Variants in WIPI2 observed in about 807,000 individuals in gnomAD.
WIPI2 encodes the protein WD repeat domain phosphoinositide-interacting protein 2.
A neutral mutation model predicts 52.3 loss-of-function variants in WIPI2; 28 were observed. The ratio of observed to expected loss-of-function variants is 0.54; its 90% CI spans 0.40 to 0.73. The LOEUF (loss-of-function observed/expected upper bound fraction) is 0.73, where lower values mean the gene tolerates loss of function less well. Among genes scored for constraint, WIPI2 ranks in the 30% least tolerant of loss-of-function variants. The pLI, the probability that WIPI2 is intolerant of heterozygous loss-of-function variation, is 0.00. For missense variants in WIPI2, 506 were observed against 602.9 expected (o/e 0.84, Z 1.68); for synonymous variants, 268 against 245.0 (o/e 1.09, Z -0.88).
Position 5,232,175 on chromosome 7 carries a change from G to A in WIPI2, c.*1228G>A. The A allele has an allele frequency of 2.5e-6, 1 of 398,848 alleles. No homozygotes were observed. The highest frequency in any genetic ancestry group is 3.6e-5 in the East Asian group (1 of 28,082). The allele number at this position is 398,848 out of a possible 1,614,324, so 24.7% of individuals were successfully genotyped here. A position where few individuals can be genotyped will look rare whatever the true frequency, so the allele number is the denominator to read the frequency against. On this transcript the variant is annotated 3_prime_UTR_variant, in exon 13 of 13. Coordinates refer to ENST00000288828, the MANE Select transcript of WIPI2 (RefSeq NM_015610.4). ...AGATGGTTTTAGAATCTATGGAGTG[G>A]TGGAAGTTACGGATAGAAGGGAAAA...
At chr7:5,229,888 G>A in intron 12 of WIPI2, 150 bp downstream of exon 12, 1 of 1,065,872 alleles carries the variant, frequency 9.4e-7, no homozygotes, top group Admixed American at 3.0e-5. Context: ...GTAAATGGGT[G>A]TTCCCAAGGC....
chr7:5,214,206 T>C, intron 3 of WIPI2: 1 of 1,227,332 alleles, frequency 8.1e-7, no homozygotes, highest in Non-Finnish European at 1.0e-6. Flanking sequence ...AGGGAGCCCC[T>C]AGACCTTACT....
Position 5,197,510 on chromosome 7 carries a change from A to G in WIPI2, c.129-2066A>G, listed in dbSNP as rs150538812. Reference sequence around the variant, plus strand: ...CATTGATACAACAATTGATGTAACTAATTCAGTATAGTAAAGAAGCAAAAA... The same window carrying G: ...CATTGATACAACAATTGATGTAACTGATTCAGTATAGTAAAGAAGCAAAAA... On this transcript the variant is annotated intron_variant, in intron 2 of 12. Transcript: ENST00000288828. Among the ~76,000 whole-genome samples the G allele has an allele frequency of 3.7e-3, 569 of 152,340 alleles. 3 individuals are homozygous for G. The highest frequency in any genetic ancestry group is 6.7e-3 in the Non-Finnish European group (454 of 68,032).
At chr7:5,193,846 G>A (rs1274888372) in intron 2 of WIPI2, among the ~76,000 whole-genome samples, 1 of 152,186 alleles carries the variant, frequency 6.6e-6, no homozygotes, top group African/African-American at 2.4e-5. Context: ...CAGAGCATTG[G>A]GATTACAGGT....
At chr7:5,204,442 G>A (rs995491838) in intron 3 of WIPI2, among the ~76,000 whole-genome samples, 1 of 152,138 alleles carries the variant, frequency 6.6e-6, no homozygotes, top group East Asian at 1.9e-4. Context: ...GCTCCAGCTT[G>A]GGCTGTCTCA....
At chr7:5,208,650 C>G (rs939619848) in intron 3 of WIPI2, among the ~76,000 whole-genome samples, 1 of 151,944 alleles carries the variant, frequency 6.6e-6, no homozygotes, top group African/African-American at 2.4e-5. Context: ...CTAATGGATT[C>G]CTATTCCATC....
At chr7:5,217,403 C>T (rs1782870034) in intron 6 of WIPI2, 1 of 550,474 alleles carries the variant, frequency 1.8e-6, no homozygotes, top group African/African-American at 1.9e-5. Flanking sequence ...CTCCTGGGCT[C>T]AATTGATCCT....
At chr7:5,201,364 A>G (rs988875822) in intron 3 of WIPI2, among the ~76,000 whole-genome samples, 3 of 152,244 alleles carry the variant, frequency 2.0e-5, no homozygotes, top group Non-Finnish European at 2.9e-5. Flanking sequence ...CTTTTCCTCA[A>G]ATTGAAGTTT....
chr7:5,194,401 C>T lies in WIPI2; in HGVS notation c.128+1230C>T, dbSNP rs1302283044. The stretch of plus-strand genomic sequence containing the variant: ...AAGAAGGAGAGTCTTTACGGACTGA[C>T]GATTAGGGAAGGGGGAGAAAAGGAA... On this transcript the variant is annotated intron_variant, in intron 2 of 12. Coordinates refer to ENST00000288828, the MANE Select transcript of WIPI2 (RefSeq NM_015610.4). Among the ~76,000 whole-genome samples the T allele has an allele frequency of 2.6e-5, 4 of 151,990 alleles. No individual in the cohort carries two copies. In the South Asian group the frequency reaches 6.2e-4, roughly 24 times the overall value.
Position 5,230,779 on chromosome 7 carries a change from T to TG in WIPI2, c.1253-52dup. 1 of 1,368,328 alleles carries TG rather than the reference T, an allele frequency of 7.3e-7. No homozygotes were observed. Among genetic ancestry groups the TG allele is most frequent in the Non-Finnish European group, 1.0e-6 (1 of 979,506 alleles). 84.8% of individuals were successfully genotyped at this position (1,368,328 alleles called of 1,614,324 possible). ...AAAACACAGTCCTCAGTGTGTGTCA[T>TG]GGGGTCTGTGGTGTGTCCCCAGCCT... On this transcript the variant is annotated intron_variant, in intron 12 of 12. Transcript: ENST00000288828. The surrounding 1 kb of genome is among the most constrained non-coding windows in gnomAD (Gnocchi z 4.8).
rs1429487457 is a variant in WIPI2, at chr7:5,232,388, A to C, written c.*1441A>C. 2.5e-6 allele frequency: 1 copy of C among 398,370 alleles called. No individual in the cohort carries two copies. Among genetic ancestry groups the C allele is most frequent in the Non-Finnish European group, 4.4e-6 (1 of 226,076 alleles). The allele number at this position is 398,370 out of a possible 1,614,324, so 24.7% of individuals were successfully genotyped here. ...GTTGGCTTTACGGCAAACTAAATGC[A>C]GGGGACGCTGGAGTCCGACTCACCT... On this transcript the variant is annotated 3_prime_UTR_variant, in exon 13 of 13. Transcript: ENST00000288828.
chr7:5,232,600 G>C lies in WIPI2; in HGVS notation c.*1653G>C. ...GCCGAGGCCAGAGTGGGCTATGCTTGAGCAGGGATGAGAAGGGCCGCGGCA... is the reference window on the plus strand; with the variant it reads ...GCCGAGGCCAGAGTGGGCTATGCTTCAGCAGGGATGAGAAGGGCCGCGGCA... On this transcript the variant is annotated 3_prime_UTR_variant, in exon 13 of 13. Transcript: ENST00000288828. 3.1e-6 allele frequency: 1 copy of C among 327,544 alleles called. No homozygotes were observed. The allele number at this position is 327,544 out of a possible 1,614,324, so 20.3% of individuals were successfully genotyped here.
chr7:5,217,744 A>C, intron 6 of WIPI2, 178 bp from the exon 7 acceptor site: 1 of 667,262 alleles, frequency 1.5e-6, no homozygotes, highest in Non-Finnish European at 2.7e-6. Context: ...GCTTTTTCTA[A>C]AGTTGGAGCA....
At chr7:5,225,700 G>A in intron 8 of WIPI2, 123 bp from the exon 9 acceptor site, 1 of 630,644 alleles carries the variant, frequency 1.6e-6, no homozygotes, top group Non-Finnish European at 2.8e-6. Context: ...TGGCTAGAGG[G>A]GAATAAAACT....
intron 3 of WIPI2, among the ~76,000 whole-genome samples, chr7:5,203,361 G>A (rs1437345165): frequency 6.6e-6 from 1 of 152,166 alleles, no homozygotes. Flanking sequence ...AGACACACAC[G>A]GAAGTGGATT....
At chr7:5,217,873 T>A (rs1220023161) in intron 6 of WIPI2, 49 bp from the exon 7 acceptor site, 1 of 1,594,136 alleles carries the variant, frequency 6.3e-7, no homozygotes, top group South Asian at 1.1e-5. Context: ...CCCTGGGGCG[T>A]GGGCGGTCAC....
intron 3 of WIPI2, among the ~76,000 whole-genome samples, chr7:5,204,122 T>C (rs535992691): frequency 6.6e-6 from 1 of 152,336 alleles, no homozygotes; most frequent in African/African-American, 2.4e-5. Flanking sequence ...TTCAGTTTAC[T>C]GGAAAGTGAT....
At chr7:5,223,890 T>G (rs990034904) in intron 8 of WIPI2, among the ~76,000 whole-genome samples, 2 of 152,228 alleles carry the variant, frequency 1.3e-5, no homozygotes, top group African/African-American at 4.8e-5. Context: ...CTCCCACCTG[T>G]GGGCCCGCCC....
At position 5,197,111 on chromosome 7, in the gene WIPI2, C is replaced by CAAAAAAAA. The variant is rs1562384541; in HGVS notation, c.129-2459_129-2458insAAAAAAAA. 1.4e-4 allele frequency among the ~76,000 whole-genome samples: 8 copies of CAAAAAAAA among 56,424 alleles called. 2 individuals carry two copies. Among genetic ancestry groups the CAAAAAAAA allele is most frequent in the East Asian group, 4.8e-4 (1 of 2,072 alleles). The allele number at this position is 56,424 out of a possible 152,430, so 37.0% of individuals were successfully genotyped here. On this transcript the variant is annotated intron_variant, in intron 2 of 12. Coordinates refer to ENST00000288828, the MANE Select transcript of WIPI2 (RefSeq NM_015610.4). ...TGCATGACAGAGCGGGACTCCGTCTCAAAAAACAAAAAAAAAAAAAAAAAA... is the reference window on the plus strand; with the variant it reads ...TGCATGACAGAGCGGGACTCCGTCTCAAAAAAAAAAAAAACAAAAAAAAAAAAAAAAAA...
Sources: gnomAD v4.1 joint callset for allele counts (sites outside exome capture counted in the v4.1 genomes callset) on GRCh38, gnomAD v4.1.1 for gene constraint, Gnocchi (gnomAD v3.1) non-coding constraint, MANE v1.5 for transcripts, NCBI Gene and HGNC (gene_info 2026-07-23, HGNC 2026-07-21) for gene names.